TNR: variants seen among roughly 807,000 people sequenced by gnomAD.
The protein encoded by TNR is tenascin-R.
Under a neutral mutation model 150.4 loss-of-function variants are expected in TNR, and 45 were observed. The observed-to-expected ratio is 0.30, with a 90% CI of 0.24 to 0.38. The LOEUF is 0.38. TNR is among the 10% of genes least tolerant of loss of function. The pLI, the probability that TNR is intolerant of heterozygous loss-of-function variation, is 1.00. For missense variants in TNR, 1,544 were observed against 1,759.1 expected, an observed-to-expected ratio of 0.88 and a Z score of 2.19; for synonymous variants, 687 against 678.4, an observed-to-expected ratio of 1.01 and a Z score of -0.20.
chr1:175,382,776 T>C (rs1357266701), intron 8 of TNR, among the ~76,000 whole-genome samples: 1 of 152,038 alleles, frequency 6.6e-6, no homozygotes, highest in East Asian at 1.9e-4. Flanking sequence ...GGCAGGTGCC[T>C]GTAGTCCTAG....
At chr1:175,326,932 C>G (rs928556784) in intron 21 of TNR, among the ~76,000 whole-genome samples, 1 of 151,042 alleles carries the variant, frequency 6.6e-6, no homozygotes, top group Non-Finnish European at 1.5e-5. Context: ...TCCCAAAGTG[C>G]TGGGATTACA....
At chr1:175,668,386 G>A (rs199847493) in intron 1 of TNR, among the ~76,000 whole-genome samples, 1 of 132,478 alleles carries the variant, frequency 7.5e-6, no homozygotes, top group Non-Finnish European at 1.8e-5. Flanking sequence ...CCCAGGCTCT[G>A]TTTCCTGCCA....
intron 1 of TNR, among the ~76,000 whole-genome samples, chr1:175,619,244 A>G (rs908260260): frequency 6.6e-6 from 1 of 152,188 alleles, no homozygotes; most frequent in Non-Finnish European, 1.5e-5. Flanking sequence ...CATGAGAGCA[A>G]TGGACCATGA....
At chr1:175,519,136 G>C (rs1317796517) in intron 2 of TNR, among the ~76,000 whole-genome samples, 1 of 152,132 alleles carries the variant, frequency 6.6e-6, no homozygotes, top group Non-Finnish European at 1.5e-5. Flanking sequence ...GTAACAGCCA[G>C]ACAGTAATAA....
chr1:175,641,307 G>C (rs1664650406), intron 1 of TNR, among the ~76,000 whole-genome samples: 1 of 151,224 alleles, frequency 6.6e-6, no homozygotes, highest in South Asian at 2.1e-4. Flanking sequence ...GAGAAGGAGG[G>C]GAAAAAGAAA....
intron 2 of TNR, among the ~76,000 whole-genome samples, chr1:175,437,035 C>T (rs971986302): frequency 6.6e-6 from 1 of 152,346 alleles, no homozygotes; most frequent in African/African-American, 2.4e-5. Context: ...ACCTAATAGA[C>T]ATCTACAGAA....
At chr1:175,336,707 T>G (rs949327544) in intron 19 of TNR, among the ~76,000 whole-genome samples, 1 of 152,194 alleles carries the variant, frequency 6.6e-6, no homozygotes, top group Non-Finnish European at 1.5e-5. Context: ...CCCTGAAGGC[T>G]GTGTCAGCTC....
intron 1 of TNR, among the ~76,000 whole-genome samples, chr1:175,621,476 T>C (rs1408344430): frequency 6.6e-6 from 1 of 152,176 alleles, no homozygotes; most frequent in Non-Finnish European, 1.5e-5. Context: ...GCTTTCTTCC[T>C]CTGGCCATTA....
intron 1 of TNR, among the ~76,000 whole-genome samples, chr1:175,597,450 A>G (rs1037200093): frequency 2.0e-5 from 3 of 152,186 alleles, no homozygotes; most frequent in Admixed American, 6.5e-5. Flanking sequence ...CTGCTTTTGG[A>G]TACTGTGGAT....
At chr1:175,323,979 A>G (rs766851825) in intron 22 of TNR, among the ~76,000 whole-genome samples, 3 of 152,206 alleles carry the variant, frequency 2.0e-5, no homozygotes, top group Non-Finnish European at 2.9e-5. Flanking sequence ...AGCTTAGCCT[A>G]TAAACTTGTG....
At chr1:175,376,304 T>C (rs1557894333) in intron 9 of TNR, among the ~76,000 whole-genome samples, 1 of 152,222 alleles carries the variant, frequency 6.6e-6, no homozygotes, top group Non-Finnish European at 1.5e-5. Context: ...CTGAGTAGTT[T>C]GTTGTCAGAA....
At chr1:175,464,796 C>T (rs1451863361) in intron 2 of TNR, among the ~76,000 whole-genome samples, 1 of 152,164 alleles carries the variant, frequency 6.6e-6, no homozygotes, top group Non-Finnish European at 1.5e-5. Context: ...CAGTCCCAGT[C>T]ATTGACAATA....
intron 18 of TNR, among the ~76,000 whole-genome samples, chr1:175,339,885 C>T (rs1286957573): frequency 6.6e-6 from 1 of 151,664 alleles, no homozygotes; most frequent in South Asian, 2.1e-4. Context: ...CTCATGCAGG[C>T]TTCTTCATAT....
intron 21 of TNR, among the ~76,000 whole-genome samples, chr1:175,324,824 G>T (rs1168298077): frequency 3.3e-5 from 5 of 151,540 alleles, no homozygotes; most frequent in Non-Finnish European, 5.9e-5. Flanking sequence ...CTCCCAGCCT[G>T]TACGTGGACA....
chr1:175,357,345 T>A (rs942585406), intron 15 of TNR, among the ~76,000 whole-genome samples: 7 of 152,356 alleles, frequency 4.6e-5, no homozygotes, highest in African/African-American at 1.7e-4. Flanking sequence ...GCAATTAGAA[T>A]ACTTGGAAAT....
rs767800424 is a variant in TNR, at chr1:175,406,207, G to A, written c.499+9C>T. 7 of 1,611,758 alleles carry A rather than the reference G, an allele frequency of 4.3e-6. No homozygotes were observed. In the Admixed American group the frequency reaches 5.0e-5, roughly 12 times the overall value. ...TCCTGAGACCACGCTGCGAGCTCCCGGACTCTACCTGTGGCAGCACTTTCT... is the reference window on the plus strand; with the variant it reads ...TCCTGAGACCACGCTGCGAGCTCCCAGACTCTACCTGTGGCAGCACTTTCT... On this transcript the variant is annotated intron_variant, in intron 3 of 22. Transcript: ENST00000367674.
intron 2 of TNR, among the ~76,000 whole-genome samples, chr1:175,434,190 C>T (rs143846180): frequency 6.6e-6 from 1 of 152,312 alleles, no homozygotes; most frequent in East Asian, 1.9e-4. Flanking sequence ...AGATAATGCA[C>T]ATCCATTTCC....
chr1:175,554,636 C>T (rs1415453515), intron 1 of TNR, among the ~76,000 whole-genome samples: 1 of 152,146 alleles, frequency 6.6e-6, no homozygotes, highest in East Asian at 1.9e-4. Context: ...GTGGCTAAGG[C>T]TCTGGGCATG....
chr1:175,661,979 CT>C lies in TNR; in HGVS notation c.-165+81246del, dbSNP rs538308567. Among the ~76,000 whole-genome samples the C allele has an allele frequency of 7.9e-5, 12 of 152,198 alleles. No homozygotes were observed. In the South Asian group the frequency reaches 2.5e-3, roughly 32 times the overall value. ...ATGGACCTAGAAGGTGGCATTCCCGCTTTCATCCCCAGCCCCTGACACTATC... is the reference window on the plus strand; with the variant it reads ...ATGGACCTAGAAGGTGGCATTCCCGCTTCATCCCCAGCCCCTGACACTATC... On this transcript the variant is annotated intron_variant, in intron 1 of 22. Transcript: ENST00000367674.
Sources: allele counts gnomAD v4.1 joint callset (sites outside exome capture counted in the v4.1 genomes callset), GRCh38; gene constraint gnomAD v4.1.1; transcripts MANE v1.5; gene names NCBI Gene and HGNC (gene_info 2026-07-23, HGNC 2026-07-21).